The following PRIM2 variants were observed in gnomAD, a reference collection of about 807,000 sequenced individuals.
PRIM2 encodes DNA primase large subunit.
In PRIM2, 39 loss-of-function variants were observed where a neutral mutation model predicts 67.3. That is an observed-to-expected ratio of 0.58 (90% CI 0.45 to 0.76). PRIM2 has a LOEUF of 0.76. PRIM2 is among the 30% of genes least tolerant of loss of function. PRIM2 has a pLI of 0.00. For synonymous variants in PRIM2, 143 were observed against 198.7 expected (o/e 0.72, Z 2.36); for missense variants, 398 against 598.7 (o/e 0.66, Z 3.50).
At chr6:57,522,584 G>C (rs1207124435) in intron 8 of PRIM2, among the ~76,000 whole-genome samples, 2 of 151,916 alleles carry the variant, frequency 1.3e-5, no homozygotes, top group Admixed American at 1.3e-4. Flanking sequence ...GAACTCCTAG[G>C]CTCAAGTAAT....
intron 10 of PRIM2, among the ~76,000 whole-genome samples, chr6:57,577,427 ATTT>A (rs1161633688): frequency 6.6e-5 from 8 of 121,664 alleles, no homozygotes; most frequent in Admixed American, 9.0e-5. Flanking sequence ...TGGTATATAA[ATTT>A]TTTTTTTTTT....
chr6:57,514,810 A>T (rs1554348064), intron 8 of PRIM2, among the ~76,000 whole-genome samples: 20,852 of 151,930 alleles, frequency 0.14, 2,528 homozygotes, highest in African/African-American at 0.33. Flanking sequence ...TAACTCAAGA[A>T]GCTTATATTT....
chr6:57,358,800 A>G (rs1165029857), intron 5 of PRIM2, among the ~76,000 whole-genome samples: 1 of 152,222 alleles, frequency 6.6e-6, no homozygotes, highest in African/African-American at 2.4e-5. Flanking sequence ...TGCTAATAGG[A>G]AATAAATGTT....
In PRIM2 at chr6:57,452,657, T is replaced by G. The variant is rs1380934157; in HGVS notation, c.694-54730T>G. On this transcript the variant is annotated intron_variant, in intron 7 of 13. Coordinates refer to ENST00000615550, the MANE Select transcript of PRIM2 (RefSeq NM_000947.5). ...TTTGTTTTTTTCTTGTAAATTTGTT[T>G]GAGTTCATCGTAGATTCTGGATATT... Among the ~76,000 whole-genome samples the G allele has an allele frequency of 3.4e-3, 516 of 152,362 alleles. 3 individuals carry two copies. The highest frequency in any genetic ancestry group is 0.014 in the Middle Eastern group (4 of 294).
chr6:57,310,519 C>CA (rs371774635), upstream of PRIM2, among the ~76,000 whole-genome samples: 27 of 152,380 alleles, frequency 1.8e-4, no homozygotes, highest in African/African-American at 6.5e-4. Flanking sequence ...TTCTTTTCGA[C>CA]AAAACCACCA....
chr6:57,543,896 A>G (rs1223454738), intron 10 of PRIM2, among the ~76,000 whole-genome samples: 3 of 152,224 alleles, frequency 2.0e-5, no homozygotes, highest in Non-Finnish European at 1.5e-5. Flanking sequence ...TTGTGTCTCT[A>G]GATACCTTTT....
At chr6:57,446,115 G>C (rs1772354989) in intron 7 of PRIM2, among the ~76,000 whole-genome samples, 1 of 152,150 alleles carries the variant, frequency 6.6e-6, no homozygotes, top group Non-Finnish European at 1.5e-5. Flanking sequence ...TCAGAGCCAG[G>C]GGATTGGTTG....
chr6:57,448,834 T>A (rs868833830), intron 7 of PRIM2, among the ~76,000 whole-genome samples: 24 of 152,296 alleles, frequency 1.6e-4, no homozygotes, highest in Middle Eastern at 3.4e-3. Context: ...TATTTATAAT[T>A]TGGTATCTTA....
At chr6:57,295,791 C>T in the PRIM2 span, among the ~76,000 whole-genome samples, 2 of 152,280 alleles carry the variant, frequency 1.3e-5, no homozygotes, top group East Asian at 3.9e-4. Context: ...TCATCTTCTT[C>T]CTACAAATCT....
At chr6:57,273,121 C>T in the PRIM2 span, among the ~76,000 whole-genome samples, 9 of 152,060 alleles carry the variant, frequency 5.9e-5, no homozygotes, top group East Asian at 1.9e-4. Context: ...TTGCTCTTCT[C>T]GAGGAGTATC....
intron 7 of PRIM2, among the ~76,000 whole-genome samples, chr6:57,474,494 C>G (rs1274075752): frequency 1.3e-5 from 2 of 152,122 alleles, no homozygotes; most frequent in African/African-American, 4.8e-5. Flanking sequence ...TCTTTAAAAA[C>G]ATTTAAAATT....
intron 13 of PRIM2, among the ~76,000 whole-genome samples, chr6:57,642,295 G>A (rs1169250477): frequency 1.4e-4 from 21 of 152,108 alleles, no homozygotes; most frequent in South Asian, 4.2e-4. Context: ...GTTGGTGGGC[G>A]CAGCAAACCA....
chr6:57,503,788 A>G (rs1774194369), intron 7 of PRIM2, among the ~76,000 whole-genome samples: 4 of 152,220 alleles, frequency 2.6e-5, no homozygotes, highest in Admixed American at 1.3e-4. Context: ...GTTGTGGTCA[A>G]TCTTTTGGTG....
intron 7 of PRIM2, among the ~76,000 whole-genome samples, chr6:57,463,771 C>T (rs1229284911): frequency 6.6e-6 from 1 of 152,102 alleles, no homozygotes; most frequent in African/African-American, 2.4e-5. Flanking sequence ...ACAGAGGTTC[C>T]CATCTTCAGA....
intron 7 of PRIM2, among the ~76,000 whole-genome samples, chr6:57,420,388 A>G (rs548392626): frequency 1.3e-5 from 2 of 152,262 alleles, no homozygotes; most frequent in Admixed American, 6.5e-5. Context: ...CTGTAATCCC[A>G]GCTACTCAGG....
At chr6:57,479,788 C>G (rs1486968318) in intron 7 of PRIM2, among the ~76,000 whole-genome samples, 1 of 152,180 alleles carries the variant, frequency 6.6e-6, no homozygotes, top group Non-Finnish European at 1.5e-5. Context: ...GTTTGCTTAT[C>G]TGTAAACTAC....
rs1250229676 is a variant in PRIM2, at chr6:57,563,901, C to T, written c.1020+26276C>T. On this transcript the variant is annotated intron_variant, in intron 10 of 13. Transcript: ENST00000615550. ...TTCTCAAACTCCTGCTCTGGTGATC[C>T]ACCCTCCTCAGCCTCCCAAAGTGCT... Among the ~76,000 whole-genome samples, 83 of 152,288 alleles carry T rather than the reference C, an allele frequency of 5.5e-4. 2 individuals are homozygous for T. In the East Asian group the frequency reaches 0.015, roughly 28 times the overall value.
At chr6:57,318,760 T>C (rs1012587201) in intron 2 of PRIM2, 161 bp downstream of exon 2, 1 of 203,268 alleles carries the variant, frequency 4.9e-6, no homozygotes, top group Non-Finnish European at 8.7e-6. Context: ...TCAACAAATA[T>C]TTGTTGAGGG....
At chr6:57,582,612 T>A (rs1319943942) in intron 10 of PRIM2, among the ~76,000 whole-genome samples, 2 of 152,156 alleles carry the variant, frequency 1.3e-5, no homozygotes, top group Non-Finnish European at 2.9e-5. Flanking sequence ...TCTCTGGTTT[T>A]CATTGAAATC....
Sources: allele counts gnomAD v4.1 joint callset (sites outside exome capture counted in the v4.1 genomes callset), GRCh38; gene constraint gnomAD v4.1.1; transcripts MANE v1.5; gene names NCBI Gene and HGNC (gene_info 2026-07-23, HGNC 2026-07-21).